The following SUSD1 variants were observed in gnomAD, a reference collection of about 807,000 sequenced individuals.
SUSD1 encodes the protein sushi domain-containing protein 1.
Under a neutral mutation model 86.9 loss-of-function variants are expected in SUSD1, and 65 were observed. That is an observed-to-expected ratio of 0.75 (90% CI 0.61 to 0.92). SUSD1 has a LOEUF of 0.92. Ranked by LOEUF, SUSD1 falls within the 40% of genes least tolerant of loss-of-function variation. SUSD1 has a pLI of 0.00. For missense variants in SUSD1, 850 were observed against 929.7 expected, an observed-to-expected ratio of 0.91 and a Z score of 1.11; for synonymous variants, 346 against 350.0, an observed-to-expected ratio of 0.99 and a Z score of 0.13.
intron 6 of SUSD1, 55 bp downstream of exon 6, chr9:112,124,202 G>GTGGT: frequency 1.3e-6 from 2 of 1,541,114 alleles, no homozygotes; most frequent in South Asian, 1.2e-5. Flanking sequence ...TAGGCCCTCG[G>GTGGT]CTCCCACTGG....
chr9:112,102,118 T>A (rs567485763), intron 9 of SUSD1, 58 bp downstream of exon 9: 123 of 940,858 alleles, frequency 1.3e-4, no homozygotes, highest in Non-Finnish European at 1.8e-4. Context: ...TACTTGGAGA[T>A]CGCCCAAATT....
intron 12 of SUSD1, among the ~76,000 whole-genome samples, chr9:112,071,118 G>A (rs1327734130): frequency 6.6e-6 from 1 of 152,044 alleles, no homozygotes; most frequent in Non-Finnish European, 1.5e-5. Flanking sequence ...CTAGAGCGCT[G>A]GAATTATAGG....
chr9:112,154,333 C>CAAAA (rs1205886713), intron 2 of SUSD1, among the ~76,000 whole-genome samples: 3 of 104,102 alleles, frequency 2.9e-5, no homozygotes, highest in African/African-American at 1.3e-4. Context: ...CACACACACA[C>CAAAA]ACAAAAAAAA....
At position 112,082,287 on chromosome 9, in the gene SUSD1, A is replaced by C. The variant is rs1246092974; in HGVS notation, c.1475-2122T>G. Among the ~76,000 whole-genome samples the C allele has an allele frequency of 2.0e-5, 3 of 152,332 alleles. No homozygotes were observed. The East Asian group carries it at 5.8e-4, about 29-fold the overall frequency. On this transcript the variant is annotated intron_variant, in intron 10 of 16. Transcript: ENST00000374270. ...TTCAAGAACAAGTATGGTAGGTTAA[A>C]TAATGACCCCCACCCGCCACCAGCA... is the stretch of plus-strand genomic sequence containing the variant.
intron 2 of SUSD1, among the ~76,000 whole-genome samples, chr9:112,151,949 G>A (rs1833066030): frequency 6.6e-6 from 1 of 151,842 alleles, no homozygotes; most frequent in South Asian, 2.1e-4. Flanking sequence ...CAGGAGAATT[G>A]CTTGAACCTG....
intron 10 of SUSD1, among the ~76,000 whole-genome samples, chr9:112,085,423 G>A (rs1397912984): frequency 1.3e-5 from 2 of 152,152 alleles, no homozygotes; most frequent in Non-Finnish European, 2.9e-5. Context: ...ACAAGCCCAC[G>A]ATATGGATAT....
chr9:112,149,416 A>G lies in SUSD1; in HGVS notation c.218-17T>C, dbSNP rs1056602979. 8.7e-6 allele frequency: 14 copies of G among 1,611,784 alleles called. No homozygotes were observed. In the African/African-American group the frequency reaches 1.6e-4, roughly 18 times the overall value. On this transcript the variant is annotated splice_polypyrimidine_tract_variant and intron_variant, in intron 2 of 16. Transcript: ENST00000374270. ...CATTTTTATCTGTTGACACACAGAC[A>G]AGGCACCGGAAGAGCTATCAATCCA... is the stretch of plus-strand genomic sequence containing the variant.
chr9:112,084,874 AAG>A (rs779538198), intron 10 of SUSD1, among the ~76,000 whole-genome samples: 3 of 152,160 alleles, frequency 2.0e-5, no homozygotes, highest in African/African-American at 7.2e-5. Context: ...TGCCTCAAAA[AAG>A]AGAAAATTAA....
chr9:112,133,487 A>C (rs920876838), intron 5 of SUSD1, among the ~76,000 whole-genome samples: 1 of 152,214 alleles, frequency 6.6e-6, no homozygotes, highest in Non-Finnish European at 1.5e-5. Flanking sequence ...CTATACATAA[A>C]TGGTGCTGGG....
intron 1 of SUSD1, among the ~76,000 whole-genome samples, chr9:112,161,031 C>A (rs1309998758): frequency 6.6e-6 from 1 of 152,172 alleles, no homozygotes; most frequent in Non-Finnish European, 1.5e-5. Flanking sequence ...AACACATTAA[C>A]ATTTTAGCAC....
rs537178972 is a variant in SUSD1, at chr9:112,105,515, T to C, written c.1172-3230A>G. ...AGGTGGATCACTTGAGGTCAGGAGT[T>C]TGAGATCAGCCTGGCCAACATGGTA... is the stretch of plus-strand genomic sequence containing the variant. On this transcript the variant is annotated intron_variant, in intron 8 of 16. Transcript: ENST00000374270. 4.3e-4 allele frequency among the ~76,000 whole-genome samples: 66 copies of C among 152,272 alleles called. 2 individuals are homozygous for C. Among genetic ancestry groups the C allele is most frequent in the African/African-American group, 1.5e-3 (64 of 41,546 alleles).
intron 1 of SUSD1, among the ~76,000 whole-genome samples, chr9:112,160,865 G>A (rs1163762507): frequency 6.6e-6 from 1 of 152,140 alleles, no homozygotes; most frequent in Non-Finnish European, 1.5e-5. Flanking sequence ...TTAAATGCCT[G>A]GATTCCTTCA....
intron 5 of SUSD1, among the ~76,000 whole-genome samples, chr9:112,125,536 C>T (rs571439229): frequency 1.0e-4 from 13 of 127,096 alleles, no homozygotes; most frequent in Admixed American, 3.1e-4. Context: ...TACCTAAACG[C>T]AGAAAGAAAA....
At chr9:112,153,509 ATAAGTAGAAGGAG>A (rs1833156598) in intron 2 of SUSD1, among the ~76,000 whole-genome samples, 1 of 152,160 alleles carries the variant, frequency 6.6e-6, no homozygotes, top group Non-Finnish European at 1.5e-5. Flanking sequence ...GTTTTTTTTA[ATAAGTAGAAGGAG>A]TACATTCTAA....
intron 12 of SUSD1, among the ~76,000 whole-genome samples, chr9:112,068,894 G>T (rs995684888): frequency 2.0e-5 from 3 of 152,110 alleles, no homozygotes; most frequent in Non-Finnish European, 4.4e-5. Context: ...TTGCTCAGGG[G>T]AGAGACGGCA....
At position 112,170,027 on chromosome 9, in the gene SUSD1, A is replaced by G. The variant is rs76639225; in HGVS notation, c.103+5106T>C. Among the ~76,000 whole-genome samples, 1,204 of 152,234 alleles carry G rather than the reference A, an allele frequency of 7.9e-3. 23 individuals carry two copies. The highest frequency in any genetic ancestry group is 0.027 in the African/African-American group (1,140 of 41,524). ...AGTTCATTTTCCCTCTCTCTTCTGC[A>G]GAGCTGAGGCCAACAGACTACTTGG... On this transcript the variant is annotated intron_variant, in intron 1 of 16. Coordinates refer to ENST00000374270, the MANE Select transcript of SUSD1 (RefSeq NM_022486.5).
intron 5 of SUSD1, among the ~76,000 whole-genome samples, chr9:112,129,488 T>C (rs752141930): frequency 6.6e-5 from 10 of 152,164 alleles, no homozygotes; most frequent in Non-Finnish European, 1.5e-4. Context: ...AATTTTTGTA[T>C]TTTTTGTAAA....
intron 13 of SUSD1, among the ~76,000 whole-genome samples, chr9:112,059,225 G>A (rs1486114797): frequency 1.3e-5 from 2 of 152,232 alleles, no homozygotes; most frequent in Non-Finnish European, 2.9e-5. Context: ...AATGCCAGAC[G>A]ACACAGGGCA....
intron 10 of SUSD1, among the ~76,000 whole-genome samples, chr9:112,086,560 A>AAG (rs71382404): frequency 0.037 from 5,032 of 136,248 alleles, 125 homozygotes; most frequent in African/African-American, 0.076. Context: ...GAAAGAAAGA[A>AAG]AGAGAGAGAG....
Sources: gnomAD v4.1 joint callset for allele counts (sites outside exome capture counted in the v4.1 genomes callset) on GRCh38, gnomAD v4.1.1 for gene constraint, MANE v1.5 for transcripts, NCBI Gene and HGNC (gene_info 2026-07-23, HGNC 2026-07-21) for gene names.